MAEA: variants seen among roughly 807,000 people sequenced by gnomAD.
MAEA encodes E3 ubiquitin-protein transferase MAEA.
MAEA carries 22 observed loss-of-function variants against 46.2 expected under a neutral mutation model. That is an observed-to-expected ratio of 0.48 (90% CI 0.34 to 0.68). The LOEUF (loss-of-function observed/expected upper bound fraction) is 0.68. Ranked by LOEUF, MAEA falls within the 30% of genes least tolerant of loss-of-function variation. MAEA has a pLI of 0.01. For synonymous variants in MAEA, 246 were observed against 222.6 expected (o/e 1.11, Z -0.94); for missense variants, 393 against 558.1 (o/e 0.70, Z 2.98).
intron 3 of MAEA, among the ~76,000 whole-genome samples, chr4:1,321,873 G>GTTTTTTTTTTTTT (rs4045167): frequency 1.4e-5 from 2 of 140,432 alleles, no homozygotes; most frequent in African/African-American, 2.6e-5. Context: ...TTTTTTTGTT[G>GTTTTTTTTTTTTT]TTTTTTTTTT....
At position 1,339,589 on chromosome 4, in the gene MAEA, G is replaced by C. The variant is rs982323242; in HGVS notation, c.*420G>C. 1.5e-5 allele frequency: 3 copies of C among 202,882 alleles called. No individual in the cohort carries two copies. The highest frequency in any genetic ancestry group is 7.1e-5 in the African/African-American group (3 of 42,240). The allele number at this position is 202,882 out of a possible 1,614,324, so 12.6% of individuals were successfully genotyped here. The stretch of plus-strand genomic sequence containing the variant: ...ACCACTTCCTGTTGGCCCTGGCCTG[G>C]CCGGGGAAGGTGGCAGCGGCACCGG... On this transcript the variant is annotated 3_prime_UTR_variant, in exon 9 of 9. Transcript: ENST00000303400.
intron 3 of MAEA, among the ~76,000 whole-genome samples, chr4:1,317,300 G>GC (rs1199804499): frequency 1.1e-5 from 1 of 94,614 alleles, no homozygotes; most frequent in Non-Finnish European, 2.3e-5. Context: ...GGCCCACCCG[G>GC]CCCCACACTC....
chr4:1,340,129 T>C lies in MAEA; in HGVS notation c.*960T>C, dbSNP rs1410580486. 1 of 152,834 alleles carries C rather than the reference T, an allele frequency of 6.5e-6. No homozygotes were observed. Among genetic ancestry groups the C allele is most frequent in the Non-Finnish European group, 1.5e-5 (1 of 68,042 alleles). The allele number at this position is 152,834 out of a possible 1,614,324, so 9.5% of individuals were successfully genotyped here. A position where few individuals can be genotyped will look rare whatever the true frequency, so the allele number is the denominator to read the frequency against. On this transcript the variant is annotated 3_prime_UTR_variant, in exon 9 of 9. Transcript: ENST00000303400. The stretch of plus-strand genomic sequence containing the variant: ...AAACCATGCGAATAAAATGGTTTTC[T>C]ATTTCTCATTTCCGTGTGAGCCGAG...
chr4:1,302,362 T>C (rs1014517358), intron 1 of MAEA, among the ~76,000 whole-genome samples: 1 of 152,270 alleles, frequency 6.6e-6, no homozygotes, highest in Admixed American at 6.5e-5. Context: ...CAGCCTGAGC[T>C]GACTAAGACA....
In MAEA at chr4:1,312,133, T is replaced by C. The variant is rs1736582151; in HGVS notation, c.224T>C (p.Val75Ala). ...GTGGTCAGCCTGCTGGACGGCGTGGTGGAGAAGCTCAGCGTCCTCAAGAGG... is the reference window on the plus strand; with the variant it reads ...GTGGTCAGCCTGCTGGACGGCGTGGCGGAGAAGCTCAGCGTCCTCAAGAGG... The part of the protein sequence containing the change: ...DSVVSLLDGV[V>A]EKLSVLKRKA... Residue 75 changes from valine to alanine, a missense_variant, in exon 2 of 9, where the codon GTG becomes GCG. Coordinates refer to ENST00000303400, the MANE Select transcript of MAEA (RefSeq NM_001017405.3). 1 of 1,613,884 alleles carries C rather than the reference T, an allele frequency of 6.2e-7. No individual in the cohort carries two copies. Among genetic ancestry groups the C allele is most frequent in the South Asian group, 1.1e-5 (1 of 91,088 alleles).
intron 3 of MAEA, among the ~76,000 whole-genome samples, chr4:1,317,453 C>T (rs915673486): frequency 4.0e-5 from 6 of 151,762 alleles, no homozygotes; most frequent in East Asian, 2.0e-4. Context: ...GCATTTGTCC[C>T]GCACCTCGTT....
intron 3 of MAEA, 55 bp from the exon 4 acceptor site, chr4:1,322,326 G>T: frequency 6.3e-7 from 1 of 1,598,132 alleles, no homozygotes; most frequent in East Asian, 2.2e-5. Flanking sequence ...TGGGAGGGTG[G>T]CATGGGGGCC....
chr4:1,293,695 G>C (rs917666491), intron 1 of MAEA, among the ~76,000 whole-genome samples: 1 of 152,232 alleles, frequency 6.6e-6, no homozygotes, highest in Non-Finnish European at 1.5e-5. Flanking sequence ...ACCCAAGGTG[G>C]TGATGCTGTC....
intron 6 of MAEA, among the ~76,000 whole-genome samples, chr4:1,334,609 C>T (rs754726358): frequency 4.6e-5 from 7 of 152,350 alleles, no homozygotes; most frequent in African/African-American, 1.7e-4. Flanking sequence ...CACCTCTCAC[C>T]GGACGCAGCC....
chr4:1,332,676 C>A, intron 5 of MAEA, 81 bp from the exon 6 acceptor site: 3 of 1,068,308 alleles, frequency 2.8e-6, no homozygotes, highest in Non-Finnish European at 2.8e-6. Context: ...TGCACTGCAG[C>A]CTGGGTGACA....
At position 1,336,920 on chromosome 4, in the gene MAEA, C is replaced by T. The variant is rs759029759; in HGVS notation, c.825C>T (p.Tyr275=). Residue 275 remains tyrosine, a synonymous_variant, in exon 7 of 9, where the codon TAC becomes TAT. Transcript: ENST00000303400. ...MLIQQFRYDN[Y]RLHQLGNNSV... The stretch of plus-strand genomic sequence containing the variant: ...TCCAGCAGTTCCGGTACGACAACTA[C>T]CGACTACACCAGCTGGGAAACAATT... 7 of 1,614,068 alleles carry T rather than the reference C, an allele frequency of 4.3e-6. No homozygotes were observed. The South Asian group carries it at 7.7e-5, about 18-fold the overall frequency.
intron 2 of MAEA, among the ~76,000 whole-genome samples, chr4:1,313,095 A>G (rs1199255195): frequency 2.6e-5 from 4 of 152,202 alleles, no homozygotes; most frequent in African/African-American, 9.6e-5. Context: ...CCAGAAGTGG[A>G]CTGGCGTTGA....
intron 3 of MAEA, among the ~76,000 whole-genome samples, chr4:1,322,032 G>A (rs1316394): frequency 0.35 from 52,804 of 152,102 alleles, 10,932 homozygotes; most frequent in Non-Finnish European, 0.47. Context: ...TGTGCTGGGG[G>A]GCTGTGGGGA....
chr4:1,301,847 A>G (rs1366354112), intron 1 of MAEA, among the ~76,000 whole-genome samples: 1 of 152,266 alleles, frequency 6.6e-6, no homozygotes, highest in South Asian at 2.1e-4. Context: ...GAATAGACCT[A>G]TAACAGGTGA....
chr4:1,316,575 C>T (rs1475177004), intron 3 of MAEA, among the ~76,000 whole-genome samples: 1 of 152,080 alleles, frequency 6.6e-6, no homozygotes, highest in East Asian at 1.9e-4. Flanking sequence ...GCCCCACAGG[C>T]CTCCCTCCCA....
chr4:1,330,310 T>TTCTCTCCCTCTCTCTCTCTC (rs1711524835), intron 5 of MAEA: 1 of 130,244 alleles, frequency 7.7e-6, no homozygotes. Context: ...TTCTGGGTGT[T>TTCTCTCCCTCTCTCTCTCTC]TCTCTCTCTC....
At chr4:1,337,038 C>A in intron 7 of MAEA, 44 bp downstream of exon 7, 1 of 1,603,020 alleles carries the variant, frequency 6.2e-7, no homozygotes, top group Non-Finnish European at 8.5e-7. Context: ...CTGGGGTTGG[C>A]ATCTTTGGTC....
At chr4:1,301,945 A>G (rs1156357985) in intron 1 of MAEA, among the ~76,000 whole-genome samples, 1 of 150,184 alleles carries the variant, frequency 6.7e-6, no homozygotes, top group Admixed American at 6.7e-5. Context: ...AAGGATTTAT[A>G]CCAACTCTTC....
chr4:1,298,115 G>A, intron 1 of MAEA: 1 of 455,872 alleles, frequency 2.2e-6, no homozygotes, highest in Non-Finnish European at 4.4e-6. Context: ...CTGTACCCCA[G>A]GTACTGTTCC....
Sources: allele counts gnomAD v4.1 joint callset (sites outside exome capture counted in the v4.1 genomes callset), GRCh38; gene constraint gnomAD v4.1.1; transcripts MANE v1.5; gene names NCBI Gene and HGNC (gene_info 2026-07-23, HGNC 2026-07-21).